Variants in FNDC3A observed in about 807,000 individuals in gnomAD.
FNDC3A encodes fibronectin type-III domain-containing protein 3A.
Under a neutral mutation model 148.9 loss-of-function variants are expected in FNDC3A, and 32 were observed. That is an observed-to-expected ratio of 0.21 (90% CI 0.16 to 0.29). FNDC3A has a LOEUF of 0.29. FNDC3A is among the 10% of genes least tolerant of loss of function. The pLI, the probability that FNDC3A is intolerant of heterozygous loss-of-function variation, is 1.00. For missense variants in FNDC3A, 1,191 were observed against 1,452.8 expected (o/e 0.82, Z 2.93); for synonymous variants, 472 against 473.6 (o/e 1.00, Z 0.04).
upstream of FNDC3A, chr13:48,975,630 C>T (rs1951583640): frequency 6.6e-6 from 1 of 152,196 alleles, no homozygotes; most frequent in Non-Finnish European, 1.5e-5. Context: ...CCATTAACTC[C>T]ACTTTTCCTG....
In FNDC3A at chr13:49,006,022, A is replaced by G. The variant is rs191610621; in HGVS notation, c.-39-130A>G. On this transcript the variant is annotated intron_variant, in intron 1 of 25. Transcript: ENST00000492622. Reference sequence around the variant, plus strand: ...TATTGATTGGAAAAAAAAGCAGTCAACAGAGTATTCTAGAATTTCCTTTGA... The same window carrying G: ...TATTGATTGGAAAAAAAAGCAGTCAGCAGAGTATTCTAGAATTTCCTTTGA... The G allele has an allele frequency of 4.2e-4, 180 of 428,062 alleles. 1 individual carries two copies. The highest frequency in any genetic ancestry group is 3.4e-3 in the African/African-American group (167 of 48,662). The allele number at this position is 428,062 out of a possible 1,614,324, so 26.5% of individuals were successfully genotyped here.
intron 1 of FNDC3A, among the ~76,000 whole-genome samples, chr13:49,000,436 T>A (rs528866907): frequency 3.3e-4 from 50 of 152,360 alleles, no homozygotes; most frequent in African/African-American, 1.2e-3. Flanking sequence ...TTCACTAGTC[T>A]GTTGTCTTCC....
chr13:48,983,086 T>G (rs1488377058), intron 1 of FNDC3A, among the ~76,000 whole-genome samples: 1 of 152,194 alleles, frequency 6.6e-6, no homozygotes, highest in Non-Finnish European at 1.5e-5. Context: ...TCCTAGATAC[T>G]TAGAATATGA....
At chr13:49,093,021 A>G (rs1193545055) in intron 3 of FNDC3A, among the ~76,000 whole-genome samples, 1 of 152,200 alleles carries the variant, frequency 6.6e-6, no homozygotes, top group Non-Finnish European at 1.5e-5. Context: ...TGGTGGATCT[A>G]GAACCCAAAT....
intron 17 of FNDC3A, 90 bp downstream of exon 17, chr13:49,188,723 T>TGAGAA: frequency 1.3e-6 from 1 of 795,148 alleles, no homozygotes; most frequent in Non-Finnish European, 2.2e-6. Flanking sequence ...TATTGAAACA[T>TGAGAA]ATCCACAAAT....
chr13:49,197,944 C>A (rs932475303), intron 21 of FNDC3A, 38 bp from the exon 22 acceptor site: 2 of 1,597,554 alleles, frequency 1.3e-6, no homozygotes, highest in South Asian at 1.1e-5. Flanking sequence ...TTTTCATGGT[C>A]ATGACTTTGT....
rs576666687 is a variant in FNDC3A at position 49,155,181 on chromosome 13, C to T, written c.977+9246C>T. On this transcript the variant is annotated intron_variant, in intron 8 of 25. Transcript: ENST00000492622. ...TTTTGGTTGGTAAACTATTGATTAT[C>T]GCCACAATTTCAGCTCCTGTTATTG... 1.8e-4 allele frequency among the ~76,000 whole-genome samples: 27 copies of T among 151,802 alleles called. No homozygotes were observed. In the South Asian group the frequency reaches 3.6e-3, roughly 20 times the overall value.
intron 8 of FNDC3A, among the ~76,000 whole-genome samples, chr13:49,155,249 G>A (rs180768652): frequency 2.4e-3 from 371 of 152,274 alleles, no homozygotes; most frequent in Non-Finnish European, 3.6e-3. Flanking sequence ...AGTCTTGGGA[G>A]ATTGTATGTG....
chr13:49,093,960 C>A (rs2137823105), intron 3 of FNDC3A, among the ~76,000 whole-genome samples: 1 of 152,098 alleles, frequency 6.6e-6, no homozygotes, highest in South Asian at 2.1e-4. Flanking sequence ...TGTTTTATTT[C>A]CTTTACTAAT....
At chr13:49,191,696 T>C (rs1885896390) in intron 19 of FNDC3A, among the ~76,000 whole-genome samples, 1 of 152,216 alleles carries the variant, frequency 6.6e-6, no homozygotes, top group Non-Finnish European at 1.5e-5. Context: ...AATAAAATCA[T>C]AAGTACTGAA....
intron 23 of FNDC3A, among the ~76,000 whole-genome samples, chr13:49,199,263 C>G (rs1886307884): frequency 6.6e-6 from 1 of 151,968 alleles, no homozygotes; most frequent in African/African-American, 2.4e-5. Flanking sequence ...TCAAGTGGTC[C>G]TCCCCGCTCA....
chr13:49,201,877 G>T lies in FNDC3A; in HGVS notation c.3065G>T (p.Cys1022Phe). 6.3e-7 allele frequency: 1 copy of T among 1,594,016 alleles called. No homozygotes were observed. The change falls in exon 24 of 26, where the codon TGT becomes TTT. Residue 1022 changes from cysteine (C) to phenylalanine (F), a missense_variant. Cys to Phe is a radical substitution (Grantham distance 205). Around this residue, in one of 3 missense-constraint regions of FNDC3A, gnomAD observed 751 missense variants for 944.0 expected, o/e 0.80. Transcript: ENST00000492622. ...RLNESTSYKF[C>F]IQACNEAGEG... is the part of the protein sequence containing the mutation. ...AATGAGTCAACATCCTATAAATTCTGTATTCAAGCTTGTAATGAAGCTGGG... is the reference window on the plus strand; with the variant it reads ...AATGAGTCAACATCCTATAAATTCTTTATTCAAGCTTGTAATGAAGCTGGG...
intron 2 of FNDC3A, among the ~76,000 whole-genome samples, chr13:49,012,839 G>GTGTGTGTA (rs1952382927): frequency 6.6e-6 from 1 of 151,244 alleles, no homozygotes; most frequent in Non-Finnish European, 1.5e-5. Context: ...GTGTGTGTGT[G>GTGTGTGTA]TATCATTTTC....
chr13:49,203,142 A>T lies in FNDC3A; in HGVS notation c.3155-15A>T. ...ATCAAGTGGAACAGATATTATTTAT[A>T]TTTGTTTCCTACAGCCCCCAAAATA... is the stretch of plus-strand genomic sequence containing the variant. On this transcript the variant is annotated splice_polypyrimidine_tract_variant and intron_variant, in intron 24 of 25. Coordinates refer to ENST00000492622, the MANE Select transcript of FNDC3A (RefSeq NM_001079673.2). The T allele has an allele frequency of 1.3e-6, 2 of 1,558,490 alleles. No homozygotes were observed. Among genetic ancestry groups the T allele is most frequent in the South Asian group, 1.2e-5 (1 of 84,986 alleles).
At chr13:49,012,884 G>A (rs938263580) in intron 2 of FNDC3A, among the ~76,000 whole-genome samples, 1 of 147,680 alleles carries the variant, frequency 6.8e-6, no homozygotes, top group East Asian at 2.1e-4. Context: ...GTTTATTTTT[G>A]TATATTGCTT....
intron 8 of FNDC3A, among the ~76,000 whole-genome samples, chr13:49,160,831 A>T (rs923443625): frequency 6.6e-6 from 1 of 151,408 alleles, no homozygotes; most frequent in Non-Finnish European, 1.5e-5. Context: ...CTTTGTTCTC[A>T]TTGGTTTCAA....
chr13:49,162,900 G>A (rs1234230644), intron 8 of FNDC3A, among the ~76,000 whole-genome samples: 2 of 46,566 alleles, frequency 4.3e-5, no homozygotes, highest in East Asian at 6.5e-4. Flanking sequence ...GTTTGCTGGA[G>A]GTCCACTCCA....
intron 2 of FNDC3A, among the ~76,000 whole-genome samples, chr13:49,042,150 C>A (rs1874985481): frequency 6.6e-6 from 1 of 152,102 alleles, no homozygotes; most frequent in South Asian, 2.1e-4. Flanking sequence ...TTAATATTCC[C>A]CTAAATACAA....
chr13:49,105,363 G>A (rs1217925610), intron 3 of FNDC3A, among the ~76,000 whole-genome samples: 2 of 152,118 alleles, frequency 1.3e-5, no homozygotes, highest in Non-Finnish European at 2.9e-5. Flanking sequence ...AGAAACATTT[G>A]CACATGTGAG....
Sources: allele counts gnomAD v4.1 joint callset (sites outside exome capture counted in the v4.1 genomes callset), GRCh38; gene constraint gnomAD v4.1.1; regional missense constraint gnomAD v4.1.1; transcripts MANE v1.5; gene names NCBI Gene and HGNC (gene_info 2026-07-23, HGNC 2026-07-21).